PIGN: variants seen among roughly 807,000 people sequenced by gnomAD.
PIGN encodes phosphatidylinositol glycan anchor biosynthesis class N, also known as GPI ethanolamine phosphate transferase 1.
Under a neutral mutation model 125.4 loss-of-function variants are expected in PIGN, and 117 were observed. That is an observed-to-expected ratio of 0.93 (90% CI 0.80 to 1.09). The LOEUF is 1.09. Ranked by LOEUF, PIGN falls within the 50% of genes least tolerant of loss-of-function variation. The pLI is 0.00. For synonymous variants in PIGN, 392 were observed against 377.8 expected (o/e 1.04, Z -0.44); for missense variants, 1,075 against 1,094.9 (o/e 0.98, Z 0.26).
intron 14 of PIGN, among the ~76,000 whole-genome samples, chr18:62,125,682 C>A (rs2035509286): frequency 6.6e-6 from 1 of 151,924 alleles, no homozygotes; most frequent in Non-Finnish European, 1.5e-5. Flanking sequence ...ATATAAAAAT[C>A]TTTTTTGCTA....
chr18:62,089,402 T>C (rs1171788355), intron 24 of PIGN, among the ~76,000 whole-genome samples: 1 of 152,132 alleles, frequency 6.6e-6, no homozygotes, highest in Non-Finnish European at 1.5e-5. Flanking sequence ...AGAACACTAA[T>C]GGGTGAATTT....
intron 19 of PIGN, among the ~76,000 whole-genome samples, chr18:62,105,929 C>T (rs535196920): frequency 8.0e-4 from 122 of 152,292 alleles, no homozygotes; most frequent in Non-Finnish European, 1.4e-3. Context: ...ATTCCCAATA[C>T]ATCAGATGAT....
At chr18:62,095,195 A>G (rs765670446) in intron 23 of PIGN, among the ~76,000 whole-genome samples, 15 of 152,220 alleles carry the variant, frequency 9.9e-5, no homozygotes, top group Non-Finnish European at 2.1e-4. Context: ...TAATGTACAC[A>G]TTTCTTACCC....
chr18:62,181,554 G>A (rs1187860554), intron 1 of PIGN, among the ~76,000 whole-genome samples: 1 of 152,100 alleles, frequency 6.6e-6, no homozygotes. Context: ...GGGACCACAG[G>A]TGCATGTTTA....
At chr18:62,038,308 G>T (rs1490916117), downstream of PIGN, among the ~76,000 whole-genome samples, 39 of 120,078 alleles carry the variant, frequency 3.2e-4, no homozygotes, top group South Asian at 1.2e-3. Flanking sequence ...CCCCCTCCGT[G>T]TTTTTTTTTT....
chr18:62,050,374 A>C (rs1053661895), intron 30 of PIGN, among the ~76,000 whole-genome samples: 37 of 152,056 alleles, frequency 2.4e-4, no homozygotes, highest in East Asian at 5.8e-4. Context: ...CTTTTATTTC[A>C]TTGAGCAGTG....
At position 62,106,977 on chromosome 18, in the gene PIGN, G is replaced by T; in HGVS notation, c.1674+9C>A. 6.4e-7 allele frequency: 1 copy of T among 1,560,920 alleles called. No homozygotes were observed. Among genetic ancestry groups the T allele is most frequent in the Non-Finnish European group, 8.7e-7 (1 of 1,147,400 alleles). On this transcript the variant is annotated intron_variant, in intron 18 of 30. Coordinates refer to ENST00000640252, the MANE Select transcript of PIGN (RefSeq NM_176787.5). ...ATTTGCAAATGTTGTAATCTGGTAAGTTACTTACTAATACTTCAATTCCCA... is the reference window on the plus strand; with the variant it reads ...ATTTGCAAATGTTGTAATCTGGTAATTTACTTACTAATACTTCAATTCCCA...
At chr18:62,061,511 C>CAAAAAAAAAA (rs373391589) in intron 30 of PIGN, among the ~76,000 whole-genome samples, 1 of 33,210 alleles carries the variant, frequency 3.0e-5, no homozygotes, top group Non-Finnish European at 7.3e-5. Flanking sequence ...GACTCCGTCT[C>CAAAAAAAAAA]AAAAAAAAAA....
At chr18:62,022,800 GTCATCC>G (rs2030069350) in intron 23 of PIGN, among the ~76,000 whole-genome samples, 1 of 152,164 alleles carries the variant, frequency 6.6e-6, no homozygotes, top group African/African-American at 2.4e-5. Flanking sequence ...TGTTAGTACA[GTCATCC>G]CTTGGTATCT....
chr18:62,150,141 T>C (rs1038282443), intron 7 of PIGN, among the ~76,000 whole-genome samples: 2 of 152,024 alleles, frequency 1.3e-5, no homozygotes, highest in African/African-American at 4.8e-5. Flanking sequence ...ACCACCATGC[T>C]CGGCTAATTT....
At chr18:62,146,513 A>C (rs1003986143) in intron 9 of PIGN, among the ~76,000 whole-genome samples, 60 of 152,290 alleles carry the variant, frequency 3.9e-4, no homozygotes, top group African/African-American at 1.4e-3. Flanking sequence ...AAATCACTAG[A>C]AATCCATATT....
At chr18:62,087,250 T>C (rs2033752250) in intron 25 of PIGN, among the ~76,000 whole-genome samples, 1 of 152,062 alleles carries the variant, frequency 6.6e-6, no homozygotes, top group Non-Finnish European at 1.5e-5. Context: ...GATATAAAAA[T>C]CTTAGAAGAA....
chr18:62,107,745 T>C (rs779560669), intron 17 of PIGN, among the ~76,000 whole-genome samples: 42 of 152,162 alleles, frequency 2.8e-4, no homozygotes, highest in Non-Finnish European at 4.7e-4. Context: ...TCCAAATGCA[T>C]ATAAACTGAA....
chr18:62,102,622 C>T, intron 21 of PIGN, among the ~76,000 whole-genome samples, 172 bp downstream of exon 21: 1 of 151,982 alleles, frequency 6.6e-6, no homozygotes, highest in Non-Finnish European at 1.5e-5. Context: ...CTATTTCATA[C>T]CTCTTAAAGA....
intron 17 of PIGN, among the ~76,000 whole-genome samples, chr18:62,108,240 T>C (rs1035055773): frequency 6.6e-6 from 1 of 152,208 alleles, no homozygotes; most frequent in Non-Finnish European, 1.5e-5. Flanking sequence ...AATTTTTATG[T>C]CTTTTTCCTA....
intron 30 of PIGN, among the ~76,000 whole-genome samples, chr18:62,066,485 T>G (rs1250332865): frequency 6.6e-6 from 1 of 152,160 alleles, no homozygotes; most frequent in Admixed American, 6.5e-5. Flanking sequence ...AGTAGAAGTG[T>G]TGGTTATTTT....
rs757220424 is a variant in PIGN at position 62,113,236 on chromosome 18, G to A, written c.1332C>T (p.Gly444=). Residue 444 remains glycine, a synonymous_variant, in exon 16 of 31, where the codon GGC becomes GGT. Transcript: ENST00000640252. ...YYHTYDRFFL[G]VNVVIGFVGW... ...CCACAAAACCAATAACAACATTGAC[G>A]CCCAAAAAGAATCTGTCATATGTGT... 24 of 1,612,382 alleles carry A rather than the reference G, an allele frequency of 1.5e-5. No individual in the cohort carries two copies. In the East Asian group the frequency reaches 2.5e-4, roughly 17 times the overall value.
In PIGN at chr18:62,044,137, A is replaced by G. The variant is rs2030494479; in HGVS notation, c.*1719T>C. 1 of 152,202 alleles carries G rather than the reference A, an allele frequency of 6.6e-6. No homozygotes were observed. The highest frequency in any genetic ancestry group is 1.5e-5 in the Non-Finnish European group (1 of 68,038). 9.4% of individuals were successfully genotyped at this position (152,202 alleles called of 1,614,324 possible). On this transcript the variant is annotated 3_prime_UTR_variant, in exon 31 of 31. Transcript: ENST00000640252. Reference sequence around the variant, plus strand: ...CAGAAGGAAGTTCAACCTATTCTACAGACTCACACTGACCTGAAAGGACAA... The same window carrying G: ...CAGAAGGAAGTTCAACCTATTCTACGGACTCACACTGACCTGAAAGGACAA...
downstream of PIGN, among the ~76,000 whole-genome samples, chr18:62,038,897 G>A (rs1293598371): frequency 2.6e-5 from 4 of 151,324 alleles, no homozygotes; most frequent in African/African-American, 4.9e-5. Context: ...CAGCTTGCAC[G>A]ACACAGTGAG....
Sources: allele counts gnomAD v4.1 joint callset (sites outside exome capture counted in the v4.1 genomes callset), GRCh38; gene constraint gnomAD v4.1.1; transcripts MANE v1.5; gene names NCBI Gene and HGNC (gene_info 2026-07-23, HGNC 2026-07-21).